Variants in ITGAE observed in about 807,000 individuals in gnomAD.
The protein encoded by ITGAE is integrin alpha-E.
In ITGAE, 99 loss-of-function variants were observed where a neutral mutation model predicts 136.5. The observed-to-expected ratio is 0.73, with a 90% CI of 0.62 to 0.86. The LOEUF (loss-of-function observed/expected upper bound fraction) is 0.86, where lower values mean the gene tolerates loss of function less well. Among genes scored for constraint, ITGAE ranks in the 40% least tolerant of loss-of-function variants. The pLI, the probability that ITGAE is intolerant of heterozygous loss-of-function variation, is 0.00. For missense variants in ITGAE, 1,447 were observed against 1,515.3 expected (o/e 0.95, Z 0.75); for synonymous variants, 613 against 591.8 (o/e 1.04, Z -0.52).
chr17:3,787,108 A>ACT (rs1555527208), intron 1 of ITGAE, among the ~76,000 whole-genome samples: 2 of 149,696 alleles, frequency 1.3e-5, no homozygotes, highest in Non-Finnish European at 3.0e-5. Context: ...ATCAGAGGGA[A>ACT]TTTTTTTTTC....
intron 29 of ITGAE, among the ~76,000 whole-genome samples, chr17:3,719,869 A>G (rs911337094): frequency 3.4e-4 from 51 of 152,002 alleles, no homozygotes; most frequent in African/African-American, 1.2e-3. Flanking sequence ...GTGGGATTAC[A>G]GGCACCCACC....
At chr17:3,786,422 T>C (rs2052799993) in intron 1 of ITGAE, among the ~76,000 whole-genome samples, 1 of 152,054 alleles carries the variant, frequency 6.6e-6, no homozygotes, top group South Asian at 2.1e-4. Context: ...TAAACTGTTT[T>C]AGAGAATAGA....
intron 18 of ITGAE, among the ~76,000 whole-genome samples, 185 bp downstream of exon 18, chr17:3,745,579 T>G (rs1276748848): frequency 6.6e-6 from 1 of 152,202 alleles, no homozygotes; most frequent in Non-Finnish European, 1.5e-5. Context: ...TGACCTCAAG[T>G]GATCCCCCCG....
chr17:3,800,831 C>T (rs78766065), intron 1 of ITGAE, among the ~76,000 whole-genome samples: 2,468 of 152,220 alleles, frequency 0.016, 54 homozygotes, highest in African/African-American at 0.055. Flanking sequence ...GCCTCGGTGG[C>T]GGGGGGAGGC....
rs772126646 is a variant in ITGAE at position 3,724,499 on chromosome 17, G to T, written c.3085-755C>A. 20 of 1,613,836 alleles carry T rather than the reference G, an allele frequency of 1.2e-5. No homozygotes were observed. In the Admixed American group the frequency reaches 1.5e-4, roughly 12 times the overall value. On this transcript the variant is annotated intron_variant, in intron 26 of 30. Transcript: ENST00000263087. ...CAACGCCAAGGGACAGTGTCATCTC[G>T]ATCGGCACCTCCGCCTGTCTGGTTG...
At chr17:3,748,544 G>T (rs1330658276) in intron 16 of ITGAE, among the ~76,000 whole-genome samples, 1 of 152,136 alleles carries the variant, frequency 6.6e-6, no homozygotes, top group Admixed American at 6.6e-5. Flanking sequence ...CCGACATCCT[G>T]CCACGGCACT....
chr17:3,728,175 T>G lies in ITGAE; in HGVS notation c.2913-7A>C. On this transcript the variant is annotated splice_polypyrimidine_tract_variant and splice_region_variant and intron_variant, in intron 24 of 30. Transcript: ENST00000263087. ...CACGTACATTATGGATGGTCTGCAA[T>G]TGACAGGACATGCGTCAGCCCTTGA... The G allele has an allele frequency of 6.2e-7, 1 of 1,610,396 alleles. No homozygotes were observed.
In ITGAE at chr17:3,757,150, G is replaced by A. The variant is rs770923345; in HGVS notation, c.1021-16C>T. On this transcript the variant is annotated splice_polypyrimidine_tract_variant and intron_variant, in intron 9 of 30. Coordinates refer to ENST00000263087, the MANE Select transcript of ITGAE (RefSeq NM_002208.5). ...CTTCTCCCACCTGCACAGACAGCCT[G>A]GGTCAGCGAGTCAGCGCTGCGTGGA... The A allele has an allele frequency of 1.2e-6, 2 of 1,612,846 alleles. No individual in the cohort carries two copies. The highest frequency in any genetic ancestry group is 2.2e-5 in the East Asian group (1 of 44,870).
intron 16 of ITGAE, 77 bp downstream of exon 16, chr17:3,750,275 T>C: frequency 5.7e-6 from 9 of 1,565,224 alleles, no homozygotes; most frequent in Non-Finnish European, 7.8e-6. Flanking sequence ...GTGCCTAATG[T>C]CTGCATGGAG....
At chr17:3,743,444 G>C (rs2051632834) in intron 19 of ITGAE, 45 bp downstream of exon 19, 13 of 1,528,130 alleles carry the variant, frequency 8.5e-6, no homozygotes, top group Non-Finnish European at 1.1e-5. Flanking sequence ...GTTTCTGTGG[G>C]ATAGGCTCTT....
intron 29 of ITGAE, chr17:3,717,089 A>G: frequency 3.3e-6 from 1 of 306,636 alleles, no homozygotes; most frequent in South Asian, 3.5e-5. Flanking sequence ...GACAGCTTGA[A>G]AGAGGGTCCC....
At chr17:3,740,666 G>A (rs1373430212) in intron 19 of ITGAE, among the ~76,000 whole-genome samples, 5 of 152,186 alleles carry the variant, frequency 3.3e-5, no homozygotes, top group Non-Finnish European at 7.3e-5. Context: ...GTGAGCCACC[G>A]CGCCCGGCCT....
At chr17:3,754,903 A>C (rs1597335915) in intron 12 of ITGAE, among the ~76,000 whole-genome samples, 1 of 35,724 alleles carries the variant, frequency 2.8e-5, no homozygotes, top group East Asian at 5.9e-4. Flanking sequence ...CGTGGCCTCC[A>C]TGCCCCGCCC....
chr17:3,729,347 C>A, intron 24 of ITGAE, 131 bp downstream of exon 24: 1 of 719,416 alleles, frequency 1.4e-6, no homozygotes, highest in Non-Finnish European at 2.6e-6. Flanking sequence ...AGCCTGGGTT[C>A]TAAGCAGGCT....
intron 20 of ITGAE, among the ~76,000 whole-genome samples, chr17:3,739,276 CTCA>C (rs2051530059): frequency 6.8e-6 from 1 of 147,580 alleles, no homozygotes. Context: ...CAACGTTCAT[CTCA>C]TCAACATGGA....
chr17:3,724,617 G>T, intron 26 of ITGAE: 1 of 1,614,184 alleles, frequency 6.2e-7, no homozygotes, highest in Non-Finnish European at 8.5e-7. Context: ...GACAGGAGGA[G>T]CCAAGGACAC....
At chr17:3,791,154 CA>C (rs61179988) in intron 1 of ITGAE, among the ~76,000 whole-genome samples, 41,314 of 96,512 alleles carry the variant, frequency 0.43, 5,596 homozygotes, top group East Asian at 0.64. Context: ...GACTCTGTCT[CA>C]AAAAAAAAAA....
chr17:3,796,206 G>A (rs1282802459), intron 1 of ITGAE, among the ~76,000 whole-genome samples: 1 of 103,196 alleles, frequency 9.7e-6, no homozygotes, highest in Non-Finnish European at 2.3e-5. Context: ...GGGGTAGTTC[G>A]CTGTATTTGC....
At chr17:3,782,576 C>T (rs926951421) in intron 1 of ITGAE, among the ~76,000 whole-genome samples, 1 of 151,944 alleles carries the variant, frequency 6.6e-6, no homozygotes, top group Non-Finnish European at 1.5e-5. Context: ...CCGTGTTGGC[C>T]AGGCTGGTCT....
Sources: allele counts gnomAD v4.1 joint callset (sites outside exome capture counted in the v4.1 genomes callset), GRCh38; gene constraint gnomAD v4.1.1; transcripts MANE v1.5; gene names NCBI Gene and HGNC (gene_info 2026-07-23, HGNC 2026-07-21).